CCDC126: variants seen among roughly 807,000 people sequenced by gnomAD.
The protein encoded by CCDC126 is coiled-coil domain-containing protein 126.
Under a neutral mutation model 11.7 loss-of-function variants are expected in CCDC126, and 5 were observed. The observed-to-expected ratio is 0.43, with a 90% CI of 0.22 to 0.90. The LOEUF (loss-of-function observed/expected upper bound fraction) is 0.90, where lower values mean the gene tolerates loss of function less well. Ranked by LOEUF, CCDC126 falls within the 40% of genes least tolerant of loss-of-function variation. CCDC126 has a pLI of 0.27. For synonymous variants in CCDC126, 60 were observed against 61.9 expected, an observed-to-expected ratio of 0.97 and a Z score of 0.14; for missense variants, 150 against 163.1, an observed-to-expected ratio of 0.92 and a Z score of 0.44.
At chr7:23,614,094 G>A (rs1211869907) in intron 3 of CCDC126, among the ~76,000 whole-genome samples, 1 of 152,162 alleles carries the variant, frequency 6.6e-6, no homozygotes, top group East Asian at 1.9e-4. Context: ...AATGAAGTTT[G>A]CCACATTGAT....
At chr7:23,624,245 C>A (rs1315874609) in intron 3 of CCDC126, among the ~76,000 whole-genome samples, 1 of 152,194 alleles carries the variant, frequency 6.6e-6, no homozygotes, top group Non-Finnish European at 1.5e-5. Context: ...CTAGACTAAG[C>A]TTATTCTAAA....
intron 3 of CCDC126, among the ~76,000 whole-genome samples, chr7:23,627,955 T>C (rs530826017): frequency 6.6e-6 from 1 of 152,334 alleles, no homozygotes; most frequent in Admixed American, 6.5e-5. Context: ...AAATTATTGC[T>C]CTTGCACACA....
At chr7:23,605,681 G>A (rs1169647217) in intron 2 of CCDC126, among the ~76,000 whole-genome samples, 1 of 152,112 alleles carries the variant, frequency 6.6e-6, no homozygotes, top group Non-Finnish European at 1.5e-5. Flanking sequence ...TCCATTGTAT[G>A]TAGATACCAC....
intron 2 of CCDC126, among the ~76,000 whole-genome samples, chr7:23,599,977 G>C (rs948696035): frequency 1.3e-5 from 2 of 152,066 alleles, no homozygotes; most frequent in Non-Finnish European, 2.9e-5. Flanking sequence ...TAGAGATGGG[G>C]TTTCACCATG....
chr7:23,637,220 C>T (rs1284835376), intron 3 of CCDC126, among the ~76,000 whole-genome samples: 1 of 55,268 alleles, frequency 1.8e-5, no homozygotes, highest in Admixed American at 1.6e-4. Flanking sequence ...GTCAGCCCCC[C>T]GCCCGGCCGG....
intron 3 of CCDC126, among the ~76,000 whole-genome samples, chr7:23,631,312 A>G (rs1480185342): frequency 6.6e-6 from 1 of 152,240 alleles, no homozygotes; most frequent in East Asian, 1.9e-4. Flanking sequence ...GAAAAAATGA[A>G]TATCAGGGCA....
chr7:23,637,368 C>T (rs1783250051), intron 3 of CCDC126, among the ~76,000 whole-genome samples: 1 of 24,524 alleles, frequency 4.1e-5, no homozygotes, highest in African/African-American at 1.7e-4. Flanking sequence ...CTCTGCCCGG[C>T]CGCCCCTACT....
At chr7:23,638,023 G>C (rs1783271449) in intron 3 of CCDC126, among the ~76,000 whole-genome samples, 1 of 130,844 alleles carries the variant, frequency 7.6e-6, no homozygotes, top group African/African-American at 2.7e-5. Context: ...GAGCGCCTCT[G>C]CCCGGCCGCC....
chr7:23,635,914 G>A (rs955894255), intron 3 of CCDC126, among the ~76,000 whole-genome samples: 5 of 151,892 alleles, frequency 3.3e-5, no homozygotes, highest in Non-Finnish European at 5.9e-5. Flanking sequence ...CTCCTTCCAC[G>A]GTCTCCCTCT....
intron 3 of CCDC126, among the ~76,000 whole-genome samples, chr7:23,640,352 C>A (rs953389466): frequency 1.3e-5 from 2 of 151,434 alleles, no homozygotes; most frequent in Non-Finnish European, 2.9e-5. Context: ...ACAAAATTAG[C>A]CAGGCATGGT....
chr7:23,619,401 G>T, intron 3 of CCDC126: 2 of 415,154 alleles, frequency 4.8e-6, no homozygotes, highest in Non-Finnish European at 9.4e-6. Flanking sequence ...GAGATCAGAG[G>T]CTTAAAGAAA....
chr7:23,600,646 C>T (rs1038906032), intron 2 of CCDC126, among the ~76,000 whole-genome samples: 13 of 152,192 alleles, frequency 8.5e-5, no homozygotes, highest in African/African-American at 3.1e-4. Flanking sequence ...GAAAGCTTCT[C>T]TGCCTGCTAG....
chr7:23,614,869 G>GT (rs1053342861), intron 3 of CCDC126, among the ~76,000 whole-genome samples: 2 of 152,312 alleles, frequency 1.3e-5, no homozygotes, highest in Non-Finnish European at 2.9e-5. Flanking sequence ...GTAAACATAT[G>GT]TTGTCACCCA....
chr7:23,641,374 G>GT (rs1456617265), intron 3 of CCDC126, among the ~76,000 whole-genome samples: 16 of 152,242 alleles, frequency 1.1e-4, no homozygotes, highest in African/African-American at 3.9e-4. Context: ...TTCGTGAATT[G>GT]TAAGAGATCT....
At chr7:23,612,231 A>C (rs1782723896) in intron 3 of CCDC126, among the ~76,000 whole-genome samples, 1 of 151,568 alleles carries the variant, frequency 6.6e-6, no homozygotes, top group South Asian at 2.1e-4. Flanking sequence ...CCAAGGTGGG[A>C]AGATTGCTGG....
At chr7:23,626,798 A>G (rs1232860229) in intron 3 of CCDC126, among the ~76,000 whole-genome samples, 6 of 152,230 alleles carry the variant, frequency 3.9e-5, no homozygotes, top group Non-Finnish European at 7.3e-5. Flanking sequence ...TTTTTTAAAA[A>G]TGCTAGTCTA....
chr7:23,626,976 T>C (rs192749674), intron 3 of CCDC126, among the ~76,000 whole-genome samples: 3 of 152,354 alleles, frequency 2.0e-5, no homozygotes, highest in African/African-American at 7.2e-5. Flanking sequence ...AATTTTGTTT[T>C]CTTCCTATGT....
chr7:23,614,657 A>G (rs189845013), intron 3 of CCDC126, among the ~76,000 whole-genome samples: 26 of 152,348 alleles, frequency 1.7e-4, no homozygotes, highest in Middle Eastern at 3.4e-3. Flanking sequence ...AAAAGTCCAA[A>G]TGACTCCTTT....
chr7:23,632,591 T>C (rs1163381647), intron 3 of CCDC126, among the ~76,000 whole-genome samples: 3 of 152,252 alleles, frequency 2.0e-5, no homozygotes, highest in African/African-American at 7.2e-5. Flanking sequence ...TGTTGTGATA[T>C]TGTATACAGT....
Sources: gnomAD v4.1 joint callset for allele counts (sites outside exome capture counted in the v4.1 genomes callset) on GRCh38, gnomAD v4.1.1 for gene constraint, MANE v1.5 for transcripts, NCBI Gene and HGNC (gene_info 2026-07-23, HGNC 2026-07-21) for gene names.